The following TSPAN18 variants were observed in gnomAD, a reference collection of about 807,000 sequenced individuals.
TSPAN18 encodes tetraspanin 18, also known as tetraspanin-18.
A neutral mutation model predicts 27.3 loss-of-function variants in TSPAN18; 14 were observed. The observed-to-expected ratio is 0.51, with a 90% CI of 0.34 to 0.80. TSPAN18 has a LOEUF of 0.80. Ranked by LOEUF, TSPAN18 falls within the 30% of genes least tolerant of loss-of-function variation. The pLI is 0.01. For missense variants in TSPAN18, 268 were observed against 323.9 expected (o/e 0.83, Z 1.32); for synonymous variants, 143 against 136.5 (o/e 1.05, Z -0.33).
intron 8 of TSPAN18, among the ~76,000 whole-genome samples, chr11:44,924,770 C>T (rs1006924828): frequency 6.6e-6 from 1 of 152,082 alleles, no homozygotes; most frequent in African/African-American, 2.4e-5. Context: ...GGAGGGATAG[C>T]ATTAGGAGAT....
In TSPAN18 at chr11:44,931,157, C is replaced by G. The variant is rs1183717785; in HGVS notation, c.*1979C>G. 2.8e-6 allele frequency: 1 copy of G among 350,882 alleles called. No individual in the cohort carries two copies. The highest frequency in any genetic ancestry group is 2.1e-5 in the African/African-American group (1 of 46,588). The allele number at this position is 350,882 out of a possible 1,614,324, so 21.7% of individuals were successfully genotyped here. On this transcript the variant is annotated 3_prime_UTR_variant, in exon 10 of 10. Transcript: ENST00000520358. ...CCTTTAACAGCTTGCTCTGGCAACC[C>G]CATAAATGACACCTGAGGTCCGTAG... is the stretch of plus-strand genomic sequence containing the variant.
At chr11:44,761,206 G>A (rs553328030) in intron 1 of TSPAN18, among the ~76,000 whole-genome samples, 66 of 152,292 alleles carry the variant, frequency 4.3e-4, no homozygotes, top group African/African-American at 1.5e-3. Context: ...GAGGGTTGTC[G>A]GGACTTCCCA....
Position 44,751,849 on chromosome 11 carries a change from C to T in TSPAN18, c.-239-12577C>T, listed in dbSNP as rs1023189467. 2.5e-4 allele frequency among the ~76,000 whole-genome samples: 38 copies of T among 151,876 alleles called. 2 individuals carry two copies. The highest frequency in any genetic ancestry group is 1.5e-5 in the Non-Finnish European group (1 of 68,006). On this transcript the variant is annotated intron_variant, in intron 1 of 9. Coordinates refer to ENST00000520358, the MANE Select transcript of TSPAN18 (RefSeq NM_130783.5). ...AGCTGAGGCAGGAGAATCCCTTGAACCTGGGAGGCGGAGGTTTCAATGAGT... is the reference window on the plus strand; with the variant it reads ...AGCTGAGGCAGGAGAATCCCTTGAATCTGGGAGGCGGAGGTTTCAATGAGT...
At position 44,768,539 on chromosome 11, in the gene TSPAN18, T is replaced by C. The variant is rs752750707; in HGVS notation, c.-153+4027T>C. Among the ~76,000 whole-genome samples the C allele has an allele frequency of 5.3e-5, 8 of 152,228 alleles. 1 individual carries two copies. The highest frequency in any genetic ancestry group is 3.4e-3 in the Middle Eastern group (1 of 294). On this transcript the variant is annotated intron_variant, in intron 2 of 9. Transcript: ENST00000520358. ...GTTTTCTACATAAATGATCATATCT[T>C]CTGCAAAAAAAGACAGTTTTACTTC... is the stretch of plus-strand genomic sequence containing the variant.
chr11:44,924,384 A>G (rs1860267848), intron 8 of TSPAN18, among the ~76,000 whole-genome samples: 1 of 152,110 alleles, frequency 6.6e-6, no homozygotes, highest in Non-Finnish European at 1.5e-5. Context: ...TAGGGAGAGG[A>G]AGTAAATAGC....
At chr11:44,759,879 G>A (rs561959899) in intron 1 of TSPAN18, among the ~76,000 whole-genome samples, 4 of 152,308 alleles carry the variant, frequency 2.6e-5, no homozygotes, top group African/African-American at 4.8e-5. Flanking sequence ...ATGTGAGCCC[G>A]GAGAACAATG....
chr11:44,813,982 C>T (rs1590517183), intron 2 of TSPAN18, among the ~76,000 whole-genome samples: 1 of 152,148 alleles, frequency 6.6e-6, no homozygotes, highest in Admixed American at 6.6e-5. Flanking sequence ...CTTCAGGGAT[C>T]GTTGAACTTT....
chr11:44,817,500 C>T (rs1335083641), intron 2 of TSPAN18, among the ~76,000 whole-genome samples: 2 of 152,340 alleles, frequency 1.3e-5, no homozygotes, highest in Admixed American at 6.5e-5. Flanking sequence ...GTCAGCTCTA[C>T]GTGTGTTTAT....
At chr11:44,876,176 C>G (rs1297677706) in intron 3 of TSPAN18, among the ~76,000 whole-genome samples, 1 of 152,222 alleles carries the variant, frequency 6.6e-6, no homozygotes, top group Non-Finnish European at 1.5e-5. Context: ...TTATCCCATA[C>G]CTCAGTGACC....
intron 2 of TSPAN18, among the ~76,000 whole-genome samples, chr11:44,836,195 T>G (rs1029399495): frequency 2.6e-5 from 4 of 152,244 alleles, no homozygotes; most frequent in Admixed American, 2.6e-4. Context: ...AAAGCTAGGC[T>G]TCTTGCACTA....
chr11:44,814,782 G>A (rs964241847), intron 2 of TSPAN18, among the ~76,000 whole-genome samples: 5 of 152,206 alleles, frequency 3.3e-5, no homozygotes, highest in South Asian at 2.1e-4. Context: ...GGCCTACAAG[G>A]TACTGCCTAC....
chr11:44,802,954 C>T (rs1203801423), intron 2 of TSPAN18, among the ~76,000 whole-genome samples: 1 of 152,012 alleles, frequency 6.6e-6, no homozygotes, highest in Non-Finnish European at 1.5e-5. Flanking sequence ...TGGAGGGACC[C>T]ATGTTTGGGG....
chr11:44,766,676 G>C (rs1045900763), intron 2 of TSPAN18, among the ~76,000 whole-genome samples: 2 of 152,230 alleles, frequency 1.3e-5, no homozygotes, highest in Non-Finnish European at 2.9e-5. Context: ...GAGCTATTTA[G>C]CCTTGCCCCT....
At chr11:44,923,886 C>T (rs1860241244) in intron 8 of TSPAN18, among the ~76,000 whole-genome samples, 1 of 152,110 alleles carries the variant, frequency 6.6e-6, no homozygotes, top group South Asian at 2.1e-4. Context: ...ACCTGGGCTG[C>T]TTGGTTGAGT....
rs1860031432 is a variant in TSPAN18 at position 44,919,204 on chromosome 11, C to G, written c.334-10C>G. On this transcript the variant is annotated splice_polypyrimidine_tract_variant and intron_variant, in intron 6 of 9. Coordinates refer to ENST00000520358, the MANE Select transcript of TSPAN18 (RefSeq NM_130783.5). ...CCAGGCCTAAGCCCATCTTCTCCCT[C>G]TGCCCCCAGCTCACCCGAGAATTCT... 6.2e-7 allele frequency: 1 copy of G among 1,612,804 alleles called. No individual in the cohort carries two copies. The highest frequency in any genetic ancestry group is 1.1e-5 in the South Asian group (1 of 91,056).
In TSPAN18 at chr11:44,931,240, G is replaced by A. The variant is rs915172928; in HGVS notation, c.*2062G>A. On this transcript the variant is annotated 3_prime_UTR_variant, in exon 10 of 10. Transcript: ENST00000520358. ...CACTGGTACCGCGGCCCAGCCTGGG[G>A]CCTGGGGGCTGCCCCTCTTGAACCA... is the stretch of plus-strand genomic sequence containing the variant. The A allele has an allele frequency of 4.4e-5, 13 of 296,438 alleles. No homozygotes were observed. The highest frequency in any genetic ancestry group is 8.0e-5 in the Non-Finnish European group (12 of 149,430). 18.4% of individuals were successfully genotyped at this position (296,438 alleles called of 1,614,324 possible).
intron 3 of TSPAN18, among the ~76,000 whole-genome samples, chr11:44,866,993 C>T (rs924875205): frequency 1.3e-5 from 2 of 152,212 alleles, no homozygotes; most frequent in Non-Finnish European, 2.9e-5. Context: ...ACCTTTCATT[C>T]AAGTATTGAT....
At chr11:44,733,637 A>G (rs1018290947) in intron 1 of TSPAN18, among the ~76,000 whole-genome samples, 1 of 152,174 alleles carries the variant, frequency 6.6e-6, no homozygotes, top group Non-Finnish European at 1.5e-5. Flanking sequence ...GGTTGCAGGA[A>G]CTATCTGGAA....
At chr11:44,738,940 G>A (rs1347586283) in intron 1 of TSPAN18, among the ~76,000 whole-genome samples, 2 of 152,194 alleles carry the variant, frequency 1.3e-5, no homozygotes, top group Admixed American at 6.5e-5. Context: ...AACCCAGGTA[G>A]TCCGAACCTG....
Sources: allele counts gnomAD v4.1 joint callset (sites outside exome capture counted in the v4.1 genomes callset), GRCh38; gene constraint gnomAD v4.1.1; transcripts MANE v1.5; gene names NCBI Gene and HGNC (gene_info 2026-07-23, HGNC 2026-07-21).